Variants in RBM11 observed in about 807,000 individuals in gnomAD.
RBM11 encodes the protein splicing regulator RBM11.
A neutral mutation model predicts 21.4 loss-of-function variants in RBM11; 18 were observed. The ratio of observed to expected loss-of-function variants is 0.84; its 90% CI spans 0.58 to 1.25. The LOEUF (loss-of-function observed/expected upper bound fraction) is 1.25. Among genes scored for constraint, RBM11 ranks in the 50% most tolerant of loss-of-function variants. RBM11 has a pLI of 0.00. For missense variants in RBM11, 294 were observed against 331.9 expected (o/e 0.89, Z 0.89); for synonymous variants, 120 against 116.3 (o/e 1.03, Z -0.20).
intron 2 of RBM11, among the ~76,000 whole-genome samples, chr21:14,220,284 C>T (rs981891178): frequency 5.3e-5 from 8 of 152,124 alleles, no homozygotes; most frequent in African/African-American, 9.7e-5. Context: ...TTCTCCTGCA[C>T]GCATATCAGG....
At chr21:14,219,822 A>G in intron 2 of RBM11, 97 bp downstream of exon 2, 1 of 1,098,566 alleles carries the variant, frequency 9.1e-7, no homozygotes, top group Non-Finnish European at 1.2e-6. Flanking sequence ...TAAGACCAAA[A>G]CAAAAAAAAG....
At chr21:14,220,961 G>T in intron 2 of RBM11, 136 bp from the exon 3 acceptor site, 1 of 729,022 alleles carries the variant, frequency 1.4e-6, no homozygotes, top group South Asian at 2.1e-5. Flanking sequence ...GGTCAGATAT[G>T]CATATATCTT....
intron 4 of RBM11, among the ~76,000 whole-genome samples, chr21:14,225,589 G>C (rs1438877542): frequency 6.6e-6 from 1 of 151,998 alleles, no homozygotes; most frequent in Non-Finnish European, 1.5e-5. Context: ...GTGAGCTTTA[G>C]ATTTGTTAAA....
chr21:14,216,192 C>A lies in RBM11; in HGVS notation c.6C>A (p.Phe2Leu), dbSNP rs753372738. The change falls in exon 1 of 5, where the codon TTC (phenylalanine) becomes TTA (leucine). Residue 2 changes from phenylalanine to leucine, a missense_variant. By Grantham distance (22) the Phe-to-Leu change is conservative. Around this residue, in one of 2 missense-constraint regions of RBM11, gnomAD observed 181 missense variants for 164.6 expected, o/e 1.10. Transcript: ENST00000400577. ...TCTACGGCCGAGACCGGAGGATGTT[C>A]CCTGCTCAGGAGGAGGCCGACAGGA... The part of the protein sequence containing the change: M[F>L]PAQEEADRTV... 8.7e-6 allele frequency: 14 copies of A among 1,613,152 alleles called. No individual in the cohort carries two copies. The South Asian group carries it at 1.2e-4, about 14-fold the overall frequency.
Position 14,219,610 on chromosome 21 carries a change from G to C in RBM11, c.144G>C (p.Lys48Asn). 1 of 1,594,996 alleles carries C rather than the reference G, an allele frequency of 6.3e-7. No homozygotes were observed. Among genetic ancestry groups the C allele is most frequent in the Non-Finnish European group, 8.6e-7 (1 of 1,167,276 alleles). Residue 48 changes from lysine (K) to asparagine (N), a missense_variant, in exon 2 of 5, where the codon AAG becomes AAC. By Grantham distance (94) the Lys-to-Asn change is moderately conservative. Around this residue, in one of 2 missense-constraint regions of RBM11, gnomAD observed 181 missense variants for 164.6 expected, o/e 1.10. Coordinates refer to ENST00000400577, the MANE Select transcript of RBM11 (RefSeq NM_144770.5). The stretch of plus-strand genomic sequence containing the variant: ...CTATATGCAAAGACAGAGAAGGAAA[G>C]CCAAAGTCTTTTGGATTTGTCTGCT... The part of the protein sequence containing the change: ...KVTICKDREG[K>N]PKSFGFVCFK...
At chr21:14,219,473 A>G (rs1978471032) in intron 1 of RBM11, 90 bp from the exon 2 acceptor site, 3 of 939,744 alleles carry the variant, frequency 3.2e-6, no homozygotes, top group Admixed American at 6.3e-5. Context: ...TATTGCTAAC[A>G]CATTTCTTTA....
In RBM11 at chr21:14,226,860, T is replaced by C; in HGVS notation, c.433-20T>C. The C allele has an allele frequency of 6.3e-7, 1 of 1,583,760 alleles. No individual in the cohort carries two copies. Among genetic ancestry groups the C allele is most frequent in the East Asian group, 2.2e-5 (1 of 44,618 alleles). On this transcript the variant is annotated intron_variant, in intron 4 of 4. Coordinates refer to ENST00000400577, the MANE Select transcript of RBM11 (RefSeq NM_144770.5). ...AACCTTTTGGATTTGTTTTGGTAGA[T>C]GAATGTCTTGTTTTCACAGCAGTGG... is the stretch of plus-strand genomic sequence containing the variant.
Position 14,219,585 on chromosome 21 carries a change from C to G in RBM11, c.119C>G (p.Thr40Ser). The part of the protein sequence containing the change: ...FLQAGPLTKV[T>S]ICKDREGKPK... The stretch of plus-strand genomic sequence containing the variant: ...TAGGCGGGGCCACTAACCAAAGTGA[C>G]TATATGCAAAGACAGAGAAGGAAAG... The change falls in exon 2 of 5, where the codon ACT becomes AGT. Residue 40 changes from threonine (T) to serine (S), a missense_variant. Thr to Ser is a moderately conservative substitution (Grantham distance 58). This residue lies in a region of RBM11 where 181 missense variants were observed against 164.6 expected (regional missense o/e 1.10). Transcript: ENST00000400577. The G allele has an allele frequency of 1.3e-6, 2 of 1,557,562 alleles. No individual in the cohort carries two copies. Among genetic ancestry groups the G allele is most frequent in the Non-Finnish European group, 1.7e-6 (2 of 1,144,388 alleles).
chr21:14,224,028 G>A (rs1402878955), intron 3 of RBM11, among the ~76,000 whole-genome samples: 5 of 152,066 alleles, frequency 3.3e-5, no homozygotes, highest in Non-Finnish European at 7.4e-5. Flanking sequence ...AACAAACAGA[G>A]TACCTGTTTG....
At chr21:14,226,740 A>G (rs904339579) in intron 4 of RBM11, 140 bp from the exon 5 acceptor site, 4 of 1,145,512 alleles carry the variant, frequency 3.5e-6, no homozygotes, top group African/African-American at 1.6e-5. Flanking sequence ...CTACCTTTCT[A>G]CTATGAGAGG....
intron 3 of RBM11, among the ~76,000 whole-genome samples, chr21:14,223,570 A>G (rs1266535025): frequency 3.9e-5 from 6 of 151,956 alleles, no homozygotes; most frequent in Admixed American, 1.3e-4. Context: ...AATCTTTGGT[A>G]TTTTTCAGCC....
At chr21:14,218,619 A>T (rs2123389681) in intron 1 of RBM11, among the ~76,000 whole-genome samples, 1 of 152,320 alleles carries the variant, frequency 6.6e-6, no homozygotes, top group East Asian at 1.9e-4. Flanking sequence ...ATCTTAACAC[A>T]CAGAATTATT....
chr21:14,223,867 G>T (rs143314352), intron 3 of RBM11, among the ~76,000 whole-genome samples: 1 of 152,088 alleles, frequency 6.6e-6, no homozygotes, highest in East Asian at 1.9e-4. Flanking sequence ...GCCATCTCTC[G>T]TGAGCTCCTC....
chr21:14,226,861 G>T lies in RBM11; in HGVS notation c.433-19G>T. The T allele has an allele frequency of 1.3e-6, 2 of 1,584,166 alleles. No homozygotes were observed. The highest frequency in any genetic ancestry group is 1.8e-5 in the Admixed American group (1 of 55,292). On this transcript the variant is annotated intron_variant, in intron 4 of 4. Coordinates refer to ENST00000400577, the MANE Select transcript of RBM11 (RefSeq NM_144770.5). ...ACCTTTTGGATTTGTTTTGGTAGATGAATGTCTTGTTTTCACAGCAGTGGC... is the reference window on the plus strand; with the variant it reads ...ACCTTTTGGATTTGTTTTGGTAGATTAATGTCTTGTTTTCACAGCAGTGGC...
rs75130307 is a variant in RBM11 at position 14,217,331 on chromosome 21, G to A, written c.96+1049G>A. ...GCTAATGGTACTGCTGTTATTATTA[G>A]TAATAATACTAACATCAAGAGAAAT... On this transcript the variant is annotated intron_variant, in intron 1 of 4. Transcript: ENST00000400577. Among the ~76,000 whole-genome samples the A allele has an allele frequency of 7.7e-3, 1,166 of 152,258 alleles. 9 individuals carry two copies. The highest frequency in any genetic ancestry group is 0.014 in the Middle Eastern group (4 of 294).
At chr21:14,218,445 A>C (rs889203610) in intron 1 of RBM11, among the ~76,000 whole-genome samples, 6 of 152,142 alleles carry the variant, frequency 3.9e-5, no homozygotes, top group African/African-American at 1.2e-4. Flanking sequence ...TTCAGTTTCA[A>C]ATATGTTGAG....
chr21:14,219,760 T>C (rs1011773738), intron 2 of RBM11, 35 bp downstream of exon 2: 1 of 1,527,202 alleles, frequency 6.5e-7, no homozygotes, highest in Non-Finnish European at 8.9e-7. Flanking sequence ...TCAAAGTGTT[T>C]TGTGGTTGGT....
At chr21:14,222,946 A>G (rs1025514774) in intron 3 of RBM11, among the ~76,000 whole-genome samples, 1 of 152,252 alleles carries the variant, frequency 6.6e-6, no homozygotes, top group South Asian at 2.1e-4. Flanking sequence ...AGCCATGTGT[A>G]TAATGTAAGA....
chr21:14,224,761 G>A (rs751234729), intron 4 of RBM11, among the ~76,000 whole-genome samples: 47 of 152,232 alleles, frequency 3.1e-4, no homozygotes, highest in Admixed American at 1.5e-3. Flanking sequence ...ATGGACGGCA[G>A]TGACGACATA....
Sources: allele counts gnomAD v4.1 joint callset (sites outside exome capture counted in the v4.1 genomes callset), GRCh38; gene constraint gnomAD v4.1.1; regional missense constraint gnomAD v4.1.1; transcripts MANE v1.5; gene names NCBI Gene and HGNC (gene_info 2026-07-23, HGNC 2026-07-21).